WASHC3: variants seen among roughly 807,000 people sequenced by gnomAD.
WASHC3 encodes the protein WASH complex subunit 3.
A neutral mutation model predicts 26.1 loss-of-function variants in WASHC3; 24 were observed. The ratio of observed to expected loss-of-function variants is 0.92; its 90% CI spans 0.66 to 1.29. WASHC3 has a LOEUF of 1.29. Among genes scored for constraint, WASHC3 ranks in the 50% most tolerant of loss-of-function variants. The pLI is 0.00. For synonymous variants in WASHC3, 77 were observed against 75.7 expected (o/e 1.02, Z -0.09); for missense variants, 214 against 229.6 (o/e 0.93, Z 0.44).
Position 102,046,114 on chromosome 12 carries a change from C to T in WASHC3, c.156G>A (p.Leu52=). 6.3e-7 allele frequency: 1 copy of T among 1,587,056 alleles called. No homozygotes were observed. Among genetic ancestry groups the T allele is most frequent in the South Asian group, 1.1e-5 (1 of 87,522 alleles). The change falls in exon 3 of 7, where the codon CTG becomes CTA. Residue 52 remains leucine (L), a synonymous_variant. Coordinates refer to ENST00000240079, the MANE Select transcript of WASHC3 (RefSeq NM_016053.4). The part of the protein sequence containing the change: ...NRFSTVCEEK[L]ADLSLRIQQI... ...GTTGGATACGAAGTGAAAGGTCTGC[C>T]AGTTTCTGTAAAAGAAAAATTAGAG...
At chr12:102,044,669 C>A (rs1878083548) in intron 3 of WASHC3, among the ~76,000 whole-genome samples, 1 of 152,130 alleles carries the variant, frequency 6.6e-6, no homozygotes, top group Non-Finnish European at 1.5e-5. Context: ...TTTCAATTAT[C>A]TAGGATATGA....
chr12:102,019,317 AG>A (rs762811339), intron 6 of WASHC3: 3 of 320,836 alleles, frequency 9.4e-6, no homozygotes, highest in Non-Finnish European at 1.8e-5. Flanking sequence ...CATATTTTCA[AG>A]GGGAACAGAA....
At chr12:102,050,580 T>C in intron 2 of WASHC3, 1 of 453,504 alleles carries the variant, frequency 2.2e-6, no homozygotes, top group South Asian at 1.6e-5. Context: ...GAAGTTGAGG[T>C]TGCCCTGAGC....
intron 6 of WASHC3, chr12:102,019,378 G>A (rs1565810601): frequency 1.5e-5 from 6 of 389,604 alleles, no homozygotes; most frequent in South Asian, 1.2e-4. Context: ...CACCCTACAA[G>A]TTGTTTTTCA....
intron 6 of WASHC3, among the ~76,000 whole-genome samples, chr12:102,015,931 C>T (rs1472245585): frequency 6.6e-6 from 1 of 152,180 alleles, no homozygotes; most frequent in Admixed American, 6.5e-5. Context: ...ATTCTGTTGC[C>T]CAGTCTGGAG....
At chr12:102,021,804 AG>A (rs1248894828) in intron 6 of WASHC3, among the ~76,000 whole-genome samples, 1 of 151,656 alleles carries the variant, frequency 6.6e-6, no homozygotes, top group Admixed American at 6.6e-5. Flanking sequence ...ATGATCTTAG[AG>A]GGCAGGAAAA....
Position 102,013,035 on chromosome 12 carries a change from G to C in WASHC3, c.*73C>G. 1.4e-6 allele frequency: 1 copy of C among 692,716 alleles called. No homozygotes were observed. The highest frequency in any genetic ancestry group is 2.5e-6 in the Non-Finnish European group (1 of 400,662). The allele number at this position is 692,716 out of a possible 1,614,324, so 42.9% of individuals were successfully genotyped here. On this transcript the variant is annotated 3_prime_UTR_variant, in exon 7 of 7. Coordinates refer to ENST00000240079, the MANE Select transcript of WASHC3 (RefSeq NM_016053.4). Reference sequence around the variant, plus strand: ...ATTTGATGTTTTTATGACTAAGAGAGTTCAGGCTCAATCTCTTACAGAATG... The same window carrying C: ...ATTTGATGTTTTTATGACTAAGAGACTTCAGGCTCAATCTCTTACAGAATG...
At chr12:102,035,635 TGAA>T (rs763792994) in intron 5 of WASHC3, among the ~76,000 whole-genome samples, 1 of 151,600 alleles carries the variant, frequency 6.6e-6, no homozygotes, top group Non-Finnish European at 1.5e-5. Flanking sequence ...TAGCACAAAG[TGAA>T]GAAGGAGAGA....
chr12:102,055,407 G>A (rs976989813), intron 2 of WASHC3, among the ~76,000 whole-genome samples: 2 of 152,072 alleles, frequency 1.3e-5, no homozygotes, highest in African/African-American at 2.4e-5. Context: ...GTGCAATGGC[G>A]CAATCTTGGC....
chr12:102,035,754 C>CT (rs1423257538), intron 5 of WASHC3, among the ~76,000 whole-genome samples: 3 of 152,102 alleles, frequency 2.0e-5, no homozygotes. Context: ...ACCATTCTCC[C>CT]TCTCATGGTT....
intron 6 of WASHC3, chr12:102,019,265 A>G (rs79908242): frequency 0.032 from 7,243 of 227,380 alleles, 159 homozygotes; most frequent in African/African-American, 0.069. Flanking sequence ...TACTAGTAAT[A>G]ATAAAACTCA....
intron 2 of WASHC3, chr12:102,048,239 T>C (rs1391578010): frequency 1.3e-5 from 2 of 152,184 alleles, no homozygotes; most frequent in Non-Finnish European, 2.9e-5. Flanking sequence ...TTTTATCTAC[T>C]TCTAGCTTAA....
At position 102,042,232 on chromosome 12, in the gene WASHC3, T is replaced by G. The variant is rs551853431; in HGVS notation, c.324+1873A>C. Among the ~76,000 whole-genome samples, 6 of 152,298 alleles carry G rather than the reference T, an allele frequency of 3.9e-5. No homozygotes were observed. In the South Asian group the frequency reaches 6.2e-4, roughly 16 times the overall value. ...CCTCTACAACATCTGGATATCCTCT[T>G]GCACATTTTATATATTTGAGTGGCC... On this transcript the variant is annotated intron_variant, in intron 4 of 6. Coordinates refer to ENST00000240079, the MANE Select transcript of WASHC3 (RefSeq NM_016053.4).
At chr12:102,054,078 A>G (rs1241573143) in intron 2 of WASHC3, among the ~76,000 whole-genome samples, 1 of 152,226 alleles carries the variant, frequency 6.6e-6, no homozygotes, top group Admixed American at 6.5e-5. Context: ...AAAACCTAAT[A>G]GTAAATACAC....
chr12:102,045,128 A>C (rs1302387580), intron 3 of WASHC3, among the ~76,000 whole-genome samples: 3 of 152,232 alleles, frequency 2.0e-5, no homozygotes, highest in Admixed American at 2.0e-4. Context: ...AATGGTAATA[A>C]GATCTCAAGC....
At chr12:102,038,241 GCTT>G (rs1877761686) in intron 5 of WASHC3, among the ~76,000 whole-genome samples, 2 of 152,194 alleles carry the variant, frequency 1.3e-5, no homozygotes, top group Non-Finnish European at 2.9e-5. Context: ...CAGTAGCTTA[GCTT>G]CAAGTAAGTG....
intron 2 of WASHC3, among the ~76,000 whole-genome samples, chr12:102,047,274 T>C (rs765799182): frequency 2.6e-5 from 4 of 152,246 alleles, no homozygotes; most frequent in Non-Finnish European, 4.4e-5. Context: ...ATTAAGATCC[T>C]GACTATTAAG....
At chr12:102,045,500 C>T (rs1304560387) in intron 3 of WASHC3, among the ~76,000 whole-genome samples, 1 of 152,038 alleles carries the variant, frequency 6.6e-6, no homozygotes, top group African/African-American at 2.4e-5. Context: ...AGAAAAAACA[C>T]ATGTAAAAAA....
intron 2 of WASHC3, among the ~76,000 whole-genome samples, chr12:102,053,688 C>G (rs1299402090): frequency 1.3e-5 from 2 of 151,206 alleles, no homozygotes; most frequent in South Asian, 2.1e-4. Flanking sequence ...TCAATGAAAT[C>G]AAGAAAATAA....
Sources: allele counts gnomAD v4.1 joint callset (sites outside exome capture counted in the v4.1 genomes callset), GRCh38; gene constraint gnomAD v4.1.1; transcripts MANE v1.5; gene names NCBI Gene and HGNC (gene_info 2026-07-23, HGNC 2026-07-21).